C8orf34: variants seen among roughly 807,000 people sequenced by gnomAD.
C8orf34 encodes chromosome 8 open reading frame 34, also known as uncharacterized protein C8orf34.
A neutral mutation model predicts 68.3 loss-of-function variants in C8orf34; 65 were observed. The observed-to-expected ratio is 0.95, with a 90% CI of 0.78 to 1.17. The LOEUF is 1.17. Among genes scored for constraint, C8orf34 ranks in the 50% most tolerant of loss-of-function variants. The pLI, the probability that C8orf34 is intolerant of heterozygous loss-of-function variation, is 0.00. For missense variants in C8orf34, 664 were observed against 655.4 expected, an observed-to-expected ratio of 1.01 and a Z score of -0.14; for synonymous variants, 244 against 241.2, an observed-to-expected ratio of 1.01 and a Z score of -0.11.
chr8:68,708,387 C>A (rs1383395759), intron 8 of C8orf34, among the ~76,000 whole-genome samples: 2 of 152,138 alleles, frequency 1.3e-5, no homozygotes, highest in Non-Finnish European at 1.5e-5. Context: ...ATAAAAATTA[C>A]AACTTATATA....
At chr8:68,579,524 A>G (rs541342784) in intron 7 of C8orf34, among the ~76,000 whole-genome samples, 3 of 152,174 alleles carry the variant, frequency 2.0e-5, no homozygotes, top group Non-Finnish European at 2.9e-5. Context: ...GCTTTAAGGA[A>G]CTAGTCTGAT....
intron 4 of C8orf34, among the ~76,000 whole-genome samples, chr8:68,481,716 A>C (rs2129631098): frequency 6.6e-6 from 1 of 152,334 alleles, no homozygotes; most frequent in Middle Eastern, 3.4e-3. Flanking sequence ...GGACCCTGTA[A>C]GCCCTTTGTT....
At chr8:68,626,903 A>C (rs200698834) in intron 7 of C8orf34, among the ~76,000 whole-genome samples, 1 of 152,210 alleles carries the variant, frequency 6.6e-6, no homozygotes, top group East Asian at 1.9e-4. Context: ...TGCTGGGGTG[A>C]GAAAAGCTTT....
intron 10 of C8orf34, among the ~76,000 whole-genome samples, chr8:68,743,576 G>T (rs547420604): frequency 2.6e-5 from 4 of 152,214 alleles, no homozygotes; most frequent in African/African-American, 9.6e-5. Flanking sequence ...CTCGGGAAGC[G>T]CAAGGGGTCA....
rs190661960 is a variant in C8orf34 at position 68,800,919 on chromosome 8, C to A, written c.1549+13383C>A. 8.5e-5 allele frequency among the ~76,000 whole-genome samples: 13 copies of A among 152,170 alleles called. No homozygotes were observed. The East Asian group carries it at 2.5e-3, about 29-fold the overall frequency. On this transcript the variant is annotated intron_variant, in intron 12 of 13. Transcript: ENST00000518698. ...TCCAAAATAAAGAATTCAGATTAGG[C>A]CTCTTTAAATGAAAAATAAATGCAT...
At chr8:68,726,316 G>A (rs543411551) in intron 10 of C8orf34, among the ~76,000 whole-genome samples, 111 of 152,246 alleles carry the variant, frequency 7.3e-4, no homozygotes, top group African/African-American at 2.5e-3. Flanking sequence ...AAAGGGATCC[G>A]TACATTTCAG....
chr8:68,414,653 A>C (rs1809588335), intron 1 of C8orf34, among the ~76,000 whole-genome samples: 1 of 152,178 alleles, frequency 6.6e-6, no homozygotes, highest in South Asian at 2.1e-4. Flanking sequence ...CACGGGTAAA[A>C]TAAAATGATT....
chr8:68,438,602 T>G (rs574092355), intron 1 of C8orf34: 11 of 152,276 alleles, frequency 7.2e-5, no homozygotes, highest in Admixed American at 5.2e-4. Context: ...AATTCTAGGC[T>G]AAAACCAACA....
chr8:68,542,277 AC>A (rs1815727739), intron 7 of C8orf34, among the ~76,000 whole-genome samples: 2 of 152,202 alleles, frequency 1.3e-5, no homozygotes, highest in African/African-American at 4.8e-5. Flanking sequence ...GCTATACACT[AC>A]CTTTGTATTA....
intron 10 of C8orf34, among the ~76,000 whole-genome samples, chr8:68,738,253 G>A (rs1051363710): frequency 1.3e-5 from 2 of 152,046 alleles, no homozygotes; most frequent in Non-Finnish European, 2.9e-5. Context: ...GGAAACTAAT[G>A]AGAACAAAGA....
At chr8:68,442,104 G>A (rs1254140140) in intron 2 of C8orf34, among the ~76,000 whole-genome samples, 1 of 152,082 alleles carries the variant, frequency 6.6e-6, no homozygotes, top group Non-Finnish European at 1.5e-5. Flanking sequence ...GGATGGACTG[G>A]GAGAAGGCAA....
chr8:68,340,088 A>G (rs953013111), intron 1 of C8orf34, among the ~76,000 whole-genome samples: 2 of 152,074 alleles, frequency 1.3e-5, no homozygotes, highest in Non-Finnish European at 2.9e-5. Context: ...GAATGTCTGA[A>G]GTTAAAAAGA....
At chr8:68,452,169 G>A (rs950574252) in intron 3 of C8orf34, among the ~76,000 whole-genome samples, 1 of 151,446 alleles carries the variant, frequency 6.6e-6, no homozygotes, top group Non-Finnish European at 1.5e-5. Context: ...GAATCATATT[G>A]CTATGAGTGT....
intron 1 of C8orf34, among the ~76,000 whole-genome samples, chr8:68,374,104 G>A (rs1807685670): frequency 6.6e-6 from 1 of 152,088 alleles, no homozygotes; most frequent in South Asian, 2.1e-4. Flanking sequence ...TTGTAGAGAT[G>A]CAGTCTCGCT....
intron 1 of C8orf34, among the ~76,000 whole-genome samples, chr8:68,348,414 TC>T (rs1806370591): frequency 6.6e-6 from 1 of 152,124 alleles, no homozygotes; most frequent in Non-Finnish European, 1.5e-5. Flanking sequence ...CCAGCTTTGT[TC>T]TTTTTGCTTA....
intron 1 of C8orf34, among the ~76,000 whole-genome samples, chr8:68,393,997 A>G (rs970572659): frequency 1.3e-5 from 2 of 152,150 alleles, no homozygotes; most frequent in Non-Finnish European, 2.9e-5. Flanking sequence ...TACCAGTAAG[A>G]CTTAGCAATC....
intron 8 of C8orf34, among the ~76,000 whole-genome samples, chr8:68,704,986 A>C (rs190687723): frequency 6.6e-6 from 1 of 152,214 alleles, no homozygotes; most frequent in Non-Finnish European, 1.5e-5. Context: ...ACAATAATCC[A>C]GACAAATCAA....
At chr8:68,789,738 C>T (rs1823939406) in intron 12 of C8orf34, among the ~76,000 whole-genome samples, 1 of 151,924 alleles carries the variant, frequency 6.6e-6, no homozygotes, top group South Asian at 2.1e-4. Context: ...TTTTTTCCAA[C>T]TTGTTTATCA....
intron 10 of C8orf34, among the ~76,000 whole-genome samples, chr8:68,726,315 C>T (rs1482429526): frequency 1.3e-5 from 2 of 152,016 alleles, no homozygotes; most frequent in East Asian, 1.9e-4. Context: ...GAAAGGGATC[C>T]GTACATTTCA....
Sources: allele counts gnomAD v4.1 joint callset (sites outside exome capture counted in the v4.1 genomes callset), GRCh38; gene constraint gnomAD v4.1.1; transcripts MANE v1.5; gene names NCBI Gene and HGNC (gene_info 2026-07-23, HGNC 2026-07-21).